The following PRMT8 variants were observed in gnomAD, a reference collection of about 807,000 sequenced individuals.
PRMT8 encodes the protein protein arginine N-methyltransferase 8.
Under a neutral mutation model 47.1 loss-of-function variants are expected in PRMT8, and 7 were observed. The ratio of observed to expected loss-of-function variants is 0.15; its 90% CI spans 0.08 to 0.28. The LOEUF (loss-of-function observed/expected upper bound fraction) is 0.28. Among genes scored for constraint, PRMT8 ranks in the 10% least tolerant of loss-of-function variants. The pLI is 1.00. For missense variants in PRMT8, 237 were observed against 505.4 expected, an observed-to-expected ratio of 0.47 and a Z score of 5.09; for synonymous variants, 188 against 186.5, an observed-to-expected ratio of 1.01 and a Z score of -0.07.
rs11062696 is a variant in PRMT8 at position 3,520,200 on chromosome 12, G to A, written c.76-20406G>A. On this transcript the variant is annotated intron_variant, in intron 1 of 9. Transcript: ENST00000382622. ...CAGTTGCTGGGTCACCAGAAGGGGC[G>A]ATGTAAAATACAAACAGTGCATCTC... Among the ~76,000 whole-genome samples, 25 of 152,234 alleles carry A rather than the reference G, an allele frequency of 1.6e-4. 2 individuals carry two copies. The highest frequency in any genetic ancestry group is 1.5e-3 in the South Asian group (7 of 4,822).
chr12:3,509,819 A>C (rs1002924625), intron 1 of PRMT8, among the ~76,000 whole-genome samples: 2 of 152,258 alleles, frequency 1.3e-5, no homozygotes, highest in African/African-American at 4.8e-5. Flanking sequence ...TTCACTGCTG[A>C]AGAGCAAAGT....
At chr12:3,495,421 C>T (rs1043379146) in intron 1 of PRMT8, among the ~76,000 whole-genome samples, 2 of 152,222 alleles carry the variant, frequency 1.3e-5, no homozygotes, top group African/African-American at 4.8e-5. Context: ...TGTGCATACT[C>T]TTCCCTCTGC....
chr12:3,511,528 C>T (rs1865714156), intron 1 of PRMT8, among the ~76,000 whole-genome samples: 1 of 152,220 alleles, frequency 6.6e-6, no homozygotes, highest in African/African-American at 2.4e-5. Context: ...ACTTTTGTTT[C>T]TCACCTGCTG....
rs1252612718 is a variant in PRMT8, at chr12:3,566,813, G to T, written c.482-1893G>T. 1.3e-5 allele frequency among the ~76,000 whole-genome samples: 2 copies of T among 152,244 alleles called. No homozygotes were observed. Among genetic ancestry groups the T allele is most frequent in the African/African-American group, 2.4e-5 (1 of 41,544 alleles). ...GGCATTGTGTGAGTTTTTTTCAGAG[G>T]ATATTGCAGAATGAGAGTTTCAGAG... is the stretch of plus-strand genomic sequence containing the variant. On this transcript the variant is annotated intron_variant, in intron 4 of 9. Transcript: ENST00000382622. This position sits in a 1 kb window ranked among gnomAD's most constrained non-coding sequence, Gnocchi z 4.7.
chr12:3,388,055 C>CCTTCCTTCCTCCCTG (rs1864158706), intron 1 of PRMT8, among the ~76,000 whole-genome samples: 1 of 22,270 alleles, frequency 4.5e-5, no homozygotes, highest in Non-Finnish European at 1.1e-4. Flanking sequence ...CTTCCTTCCT[C>CCTTCCTTCCTCCCTG]CCTCCCTCCC....
intron 1 of PRMT8, among the ~76,000 whole-genome samples, chr12:3,404,680 G>A (rs560057826): frequency 2.0e-5 from 3 of 152,174 alleles, no homozygotes; most frequent in Admixed American, 6.5e-5. Flanking sequence ...TAAGTTGTTC[G>A]GTTCTTCCCT....
intron 2 of PRMT8, among the ~76,000 whole-genome samples, chr12:3,548,332 C>T (rs903363710): frequency 6.6e-6 from 1 of 151,880 alleles, no homozygotes; most frequent in Non-Finnish European, 1.5e-5. Context: ...AATGGAAAAA[C>T]TGGTCTTTAT....
At chr12:3,532,131 C>T (rs1866041151) in intron 1 of PRMT8, among the ~76,000 whole-genome samples, 1 of 151,924 alleles carries the variant, frequency 6.6e-6, no homozygotes, top group Admixed American at 6.6e-5. Context: ...AGTCGGAGCC[C>T]AGGTTGTTTC....
intron 6 of PRMT8, among the ~76,000 whole-genome samples, chr12:3,573,174 C>A (rs1482570218): frequency 6.6e-6 from 1 of 151,888 alleles, no homozygotes; most frequent in Non-Finnish European, 1.5e-5. Context: ...ATTTTTTTCA[C>A]CCCTTTTTTC....
intron 1 of PRMT8, among the ~76,000 whole-genome samples, chr12:3,440,416 C>T (rs546275936): frequency 1.2e-4 from 18 of 152,154 alleles, no homozygotes; most frequent in African/African-American, 1.7e-4. Flanking sequence ...GAGCCAAGAT[C>T]GCGCCACTGC....
rs983192220 is a variant in PRMT8, at chr12:3,552,011, T to G, written c.418-1640T>G. ...AATCGGCAGAGGCTGGTGGATCACC[T>G]GAGGTCAGGAGTTCAAGACCAGCCT... is the stretch of plus-strand genomic sequence containing the variant. On this transcript the variant is annotated intron_variant, in intron 3 of 9. Coordinates refer to ENST00000382622, the MANE Select transcript of PRMT8 (RefSeq NM_019854.5). This position sits in a 1 kb window ranked among gnomAD's most constrained non-coding sequence, Gnocchi z 4.5. 3.3e-5 allele frequency: 5 copies of G among 152,364 alleles called. No individual in the cohort carries two copies. The highest frequency in any genetic ancestry group is 1.2e-4 in the African/African-American group (5 of 41,456). 9.4% of individuals were successfully genotyped at this position (152,364 alleles called of 1,614,324 possible). A position where few individuals can be genotyped will look rare whatever the true frequency, so the allele number is the denominator to read the frequency against.
intron 7 of PRMT8, among the ~76,000 whole-genome samples, chr12:3,581,346 A>G (rs1867060877): frequency 6.6e-6 from 1 of 152,188 alleles, no homozygotes; most frequent in African/African-American, 2.4e-5. Context: ...TGTGGGTGGA[A>G]GTTACAGAGG....
intron 1 of PRMT8, among the ~76,000 whole-genome samples, chr12:3,428,343 T>A (rs988023398): frequency 2.0e-5 from 3 of 152,130 alleles, no homozygotes; most frequent in Non-Finnish European, 2.9e-5. Flanking sequence ...TTAAGATACT[T>A]CTGAACTGGT....
At chr12:3,540,906 T>C (rs932183543) in intron 2 of PRMT8, 115 bp downstream of exon 2, 1 of 1,222,898 alleles carries the variant, frequency 8.2e-7, no homozygotes, top group Admixed American at 2.1e-5. Context: ...GTGCTCCCAG[T>C]GTTCCTGAGT....
intron 1 of PRMT8, among the ~76,000 whole-genome samples, chr12:3,498,215 T>C (rs1411730490): frequency 1.3e-5 from 2 of 152,246 alleles, no homozygotes; most frequent in East Asian, 3.8e-4. Flanking sequence ...AGAGTTACTG[T>C]TATTTGCTCA....
At chr12:3,517,645 G>A (rs946696093) in intron 1 of PRMT8, among the ~76,000 whole-genome samples, 1 of 152,134 alleles carries the variant, frequency 6.6e-6, no homozygotes, top group South Asian at 2.1e-4. Context: ...TCCATTGAGG[G>A]AGGCTGAGTA....
Position 3,422,291 on chromosome 12 carries a change from G to A in PRMT8, c.48+40849G>A, listed in dbSNP as rs560444369. Among the ~76,000 whole-genome samples the A allele has an allele frequency of 8.5e-5, 13 of 152,326 alleles. No homozygotes were observed. The South Asian group carries it at 2.5e-3, about 29-fold the overall frequency. Reference sequence around the variant, plus strand: ...GACAGAACTTTGGTATCATGTAGGAGGACAAGCATGGGTTTTGGAATCAGG... The same window carrying A: ...GACAGAACTTTGGTATCATGTAGGAAGACAAGCATGGGTTTTGGAATCAGG... On this transcript the variant is annotated intron_variant, in intron 1 of 9. Transcript: ENST00000452611.
At chr12:3,408,586 A>G (rs984724351) in intron 1 of PRMT8, among the ~76,000 whole-genome samples, 1 of 151,790 alleles carries the variant, frequency 6.6e-6, no homozygotes, top group Admixed American at 6.6e-5. Flanking sequence ...TGATTAATAG[A>G]TTTTCTTTAT....
At chr12:3,403,261 G>T (rs1224845981) in intron 1 of PRMT8, among the ~76,000 whole-genome samples, 4 of 152,122 alleles carry the variant, frequency 2.6e-5, no homozygotes, top group African/African-American at 7.2e-5. Context: ...AGTGGGAGCT[G>T]AATGATGAGA....
Sources: allele counts gnomAD v4.1 joint callset (sites outside exome capture counted in the v4.1 genomes callset), GRCh38; gene constraint gnomAD v4.1.1; non-coding constraint Gnocchi (gnomAD v3.1); transcripts MANE v1.5; gene names NCBI Gene and HGNC (gene_info 2026-07-23, HGNC 2026-07-21).